ACTG2: variants seen among roughly 807,000 people sequenced by gnomAD.
ACTG2 encodes actin, gamma-enteric smooth muscle.
ACTG2 carries 16 observed loss-of-function variants against 37.6 expected under a neutral mutation model. The observed-to-expected ratio is 0.43, with a 90% CI of 0.29 to 0.65. ACTG2 has a LOEUF of 0.65. ACTG2 is among the 30% of genes least tolerant of loss of function. The probability of loss-of-function intolerance (pLI) is 0.18; values close to 1 mark genes in which losing one functional copy is unlikely to be tolerated. For missense variants in ACTG2, 238 were observed against 490.9 expected (o/e 0.48, Z 4.87); for synonymous variants, 181 against 179.9 (o/e 1.01, Z -0.05).
At chr2:73,904,777 G>GTATATATATATATATATATA (rs199782884) in intron 3 of ACTG2, among the ~76,000 whole-genome samples, 2 of 42,608 alleles carry the variant, frequency 4.7e-5, no homozygotes, top group Admixed American at 3.4e-4. Context: ...GTGTGTGTGT[G>GTATATATATATATATATATA]TATATATATA....
chr2:73,902,037 GTGTC>G (rs1453099682), intron 2 of ACTG2, among the ~76,000 whole-genome samples: 22 of 102,408 alleles, frequency 2.1e-4, no homozygotes, highest in Non-Finnish European at 3.0e-4. Flanking sequence ...GTGTGTGTGT[GTGTC>G]TGTGTGTGTG....
At position 73,899,608 on chromosome 2, in the gene ACTG2, T is replaced by C. The variant is rs144087855; in HGVS notation, c.-36-1668T>C. Among the ~76,000 whole-genome samples the C allele has an allele frequency of 4.6e-3, 699 of 152,348 alleles. 9 individuals are homozygous for C. The highest frequency in any genetic ancestry group is 0.016 in the African/African-American group (671 of 41,566). On this transcript the variant is annotated intron_variant, in intron 1 of 8. Transcript: ENST00000345517. The stretch of plus-strand genomic sequence containing the variant: ...GAAAACTTTATCAACCTGTGCTTTA[T>C]ATTTTCATTCAATTCATTTATAAAA...
intron 5 of ACTG2, among the ~76,000 whole-genome samples, chr2:73,911,054 G>A (rs1046836063): frequency 6.6e-6 from 1 of 151,912 alleles, no homozygotes; most frequent in Non-Finnish European, 1.5e-5. Flanking sequence ...AGGTCTTCAG[G>A]GTTAATAACA....
intron 7 of ACTG2, 130 bp downstream of exon 7, chr2:73,915,001 A>G: frequency 2.7e-6 from 2 of 729,406 alleles, no homozygotes; most frequent in Non-Finnish European, 3.8e-6. Context: ...ACATTTTCCT[A>G]GGAAGGGCCA....
chr2:73,919,742 G>C lies in ACTG2; in HGVS notation c.*167G>C. The C allele has an allele frequency of 1.5e-6, 1 of 686,654 alleles. No homozygotes were observed. The highest frequency in any genetic ancestry group is 2.3e-6 in the Non-Finnish European group (1 of 434,480). 42.5% of individuals were successfully genotyped at this position (686,654 alleles called of 1,614,324 possible). ...CACATTACTTTTAATCCATGCAATA[G>C]TGCTGTAAGGTAGGTGCTATCATTA... is the stretch of plus-strand genomic sequence containing the variant. On this transcript the variant is annotated 3_prime_UTR_variant, in exon 9 of 9. Transcript: ENST00000345517.
chr2:73,901,438 G>T lies in ACTG2; in HGVS notation c.126+1G>T. The T allele has an allele frequency of 6.2e-7, 1 of 1,613,976 alleles. No individual in the cohort carries two copies. The highest frequency in any genetic ancestry group is 1.1e-5 in the South Asian group (1 of 91,014). On this transcript the variant is annotated splice_donor_variant, in intron 2 of 8. Transcript: ENST00000345517. LOFTEE classifies it high-confidence loss of function. Reference sequence around the variant, plus strand: ...CATTGTGGGCCGCCCTCGCCACCAGGTGCGTGCTCATCTGGATACCACCAG... The same window carrying T: ...CATTGTGGGCCGCCCTCGCCACCAGTTGCGTGCTCATCTGGATACCACCAG...
At chr2:73,895,803 C>G (rs1021172679) in intron 1 of ACTG2, among the ~76,000 whole-genome samples, 1 of 152,172 alleles carries the variant, frequency 6.6e-6, no homozygotes, top group African/African-American at 2.4e-5. Flanking sequence ...TTCTTTACAG[C>G]CCTTGACGAC....
Position 73,919,699 on chromosome 2 carries a change from A to G in ACTG2, c.*124A>G. On this transcript the variant is annotated 3_prime_UTR_variant, in exon 9 of 9. Transcript: ENST00000345517. ...TTTTCCTGGGCTATGTCTCATACACAGTGCTAAGGACTTTTCACACATTAC... is the reference window on the plus strand; with the variant it reads ...TTTTCCTGGGCTATGTCTCATACACGGTGCTAAGGACTTTTCACACATTAC... The G allele has an allele frequency of 9.1e-7, 1 of 1,097,778 alleles. No individual in the cohort carries two copies. The highest frequency in any genetic ancestry group is 1.7e-5 in the South Asian group (1 of 59,592). The allele number at this position is 1,097,778 out of a possible 1,614,324, so 68.0% of individuals were successfully genotyped here.
rs563277747 is a variant in ACTG2 at position 73,910,891 on chromosome 2, C to G, written c.451+1752C>G. Among the ~76,000 whole-genome samples the G allele has an allele frequency of 2.0e-5, 3 of 152,134 alleles. No individual in the cohort carries two copies. The South Asian group carries it at 6.2e-4, about 32-fold the overall frequency. On this transcript the variant is annotated intron_variant, in intron 5 of 8. Coordinates refer to ENST00000345517, the MANE Select transcript of ACTG2 (RefSeq NM_001615.4). ...AATAGTTTCATTTATATCCTTTATT[C>G]TACAAGCTTTTTTCTATTAAATTTA...
intron 3 of ACTG2, chr2:73,902,737 A>C (rs765736676): frequency 1.7e-4 from 259 of 1,550,708 alleles, no homozygotes; most frequent in Non-Finnish European, 1.9e-4. Flanking sequence ...AATTCTCTAC[A>C]CTGCTGCAAA....
intron 7 of ACTG2, among the ~76,000 whole-genome samples, chr2:73,916,115 C>A (rs957075738): frequency 6.6e-6 from 1 of 152,110 alleles, no homozygotes; most frequent in Non-Finnish European, 1.5e-5. Flanking sequence ...TAATACCTCG[C>A]GCCTGTAATC....
At chr2:73,916,465 A>C (rs1680269792) in intron 7 of ACTG2, 119 bp from the exon 8 acceptor site, 1 of 813,224 alleles carries the variant, frequency 1.2e-6, no homozygotes, top group East Asian at 2.8e-5. Flanking sequence ...TCCTTCTGGG[A>C]GATATTAAGG....
intron 5 of ACTG2, among the ~76,000 whole-genome samples, chr2:73,910,133 T>A (rs1330218205): frequency 6.6e-6 from 1 of 151,840 alleles, no homozygotes; most frequent in Non-Finnish European, 1.5e-5. Context: ...AAGAGTCACT[T>A]GAACCTGGGA....
At chr2:73,914,983 C>T (rs745929532) in intron 7 of ACTG2, 112 bp downstream of exon 7, 294 of 912,966 alleles carry the variant, frequency 3.2e-4, no homozygotes, top group Non-Finnish European at 3.9e-4. Flanking sequence ...ATTACATACA[C>T]GTACCTCACA....
rs1680068881 is a variant in ACTG2, at chr2:73,908,795, G to A, written c.366+12G>A. The A allele has an allele frequency of 6.3e-7, 1 of 1,593,690 alleles. No homozygotes were observed. The highest frequency in any genetic ancestry group is 8.6e-7 in the Non-Finnish European group (1 of 1,161,664). ...AAAAGATGACCCAGGTAAGAAGCCA[G>A]GAAGACTTGAACACTGGCATAAGAA... On this transcript the variant is annotated intron_variant, in intron 4 of 8. Coordinates refer to ENST00000345517, the MANE Select transcript of ACTG2 (RefSeq NM_001615.4).
chr2:73,919,770 C>A lies in ACTG2; in HGVS notation c.*195C>A. The A allele has an allele frequency of 2.1e-6, 1 of 477,446 alleles. No individual in the cohort carries two copies. Among genetic ancestry groups the A allele is most frequent in the Non-Finnish European group, 3.5e-6 (1 of 287,368 alleles). The allele number at this position is 477,446 out of a possible 1,614,324, so 29.6% of individuals were successfully genotyped here. A position where few individuals can be genotyped will look rare whatever the true frequency, so the allele number is the denominator to read the frequency against. ...CTGTAAGGTAGGTGCTATCATTATA[C>A]CCATATTACAGATGAGGAAATTGAG... On this transcript the variant is annotated 3_prime_UTR_variant, in exon 9 of 9. Transcript: ENST00000345517.
At chr2:73,915,598 C>T (rs1680249876) in intron 7 of ACTG2, among the ~76,000 whole-genome samples, 1 of 151,590 alleles carries the variant, frequency 6.6e-6, no homozygotes, top group Non-Finnish European at 1.5e-5. Context: ...GGACCTTTTG[C>T]TCTAGAAGAC....
intron 8 of ACTG2, among the ~76,000 whole-genome samples, chr2:73,917,526 A>G (rs913929736): frequency 3.3e-5 from 5 of 152,206 alleles, no homozygotes; most frequent in Non-Finnish European, 7.3e-5. Flanking sequence ...AGTCACACAG[A>G]CATTTTTAGC....
intron 3 of ACTG2, 157 bp downstream of exon 3, chr2:73,902,645 C>G (rs1323535024): frequency 1.3e-6 from 2 of 1,552,084 alleles, no homozygotes; most frequent in Admixed American, 3.9e-5. Context: ...TTTCTCCAAC[C>G]TAGGCTGCCA....
Sources: allele counts gnomAD v4.1 joint callset (sites outside exome capture counted in the v4.1 genomes callset), GRCh38; gene constraint gnomAD v4.1.1; transcripts MANE v1.5; gene names NCBI Gene and HGNC (gene_info 2026-07-23, HGNC 2026-07-21).